Variants in CCDC3 observed in about 807,000 individuals in gnomAD.
CCDC3 encodes the protein coiled-coil domain-containing protein 3.
Under a neutral mutation model 21.4 loss-of-function variants are expected in CCDC3, and 24 were observed. The ratio of observed to expected loss-of-function variants is 1.12; its 90% confidence interval spans 0.81 to 1.58. The LOEUF is 1.58. Ranked by LOEUF, CCDC3 falls within the 40% of genes most tolerant of loss-of-function variation. The pLI, the probability that CCDC3 is intolerant of heterozygous loss-of-function variation, is 0.00. For missense variants in CCDC3, 425 were observed against 360.9 expected (o/e 1.18, Z -1.44); for synonymous variants, 186 against 166.0 (o/e 1.12, Z -0.93).
intron 5 of CCDC3, among the ~76,000 whole-genome samples, chr10:13,028,591 C>T (rs1589044493): frequency 6.6e-6 from 1 of 151,968 alleles, no homozygotes. Flanking sequence ...CAGGGTTGAA[C>T]AAAACATTTA....
chr10:13,057,649 G>T (rs1836698915), intron 4 of CCDC3, among the ~76,000 whole-genome samples: 1 of 152,120 alleles, frequency 6.6e-6, no homozygotes, highest in Admixed American at 6.6e-5. Context: ...GAAGGCCAAG[G>T]CAGACAGACC....
At chr10:13,047,622 T>C (rs531903728) in intron 5 of CCDC3, among the ~76,000 whole-genome samples, 99 of 152,226 alleles carry the variant, frequency 6.5e-4, no homozygotes, top group Admixed American at 5.4e-3. Context: ...TGGGTACATA[T>C]AAAGAGACTT....
At chr10:13,090,126 G>GT (rs1476522915) in intron 3 of CCDC3, among the ~76,000 whole-genome samples, 2 of 120,138 alleles carry the variant, frequency 1.7e-5, no homozygotes, top group Non-Finnish European at 3.3e-5. Flanking sequence ...GTCTCATTCT[G>GT]TCACCAGGCT....
At chr10:12,986,640 G>A (rs1469476720) in intron 2 of CCDC3, among the ~76,000 whole-genome samples, 2 of 152,026 alleles carry the variant, frequency 1.3e-5, no homozygotes, top group East Asian at 1.9e-4. Flanking sequence ...TGGGCGTGGT[G>A]GCGGACGCCT....
upstream of CCDC3, among the ~76,000 whole-genome samples, chr10:13,004,351 T>C (rs1273087193): frequency 6.6e-6 from 1 of 152,130 alleles, no homozygotes; most frequent in East Asian, 1.9e-4. Context: ...CAGTTAATTC[T>C]ATGGCCTTGA....
rs553148967 is a variant in CCDC3, at chr10:12,985,924, G to A, written c.549+12414C>T. 7.9e-5 allele frequency among the ~76,000 whole-genome samples: 12 copies of A among 152,332 alleles called. No individual in the cohort carries two copies. The East Asian group carries it at 2.3e-3, about 29-fold the overall frequency. On this transcript the variant is annotated intron_variant, in intron 2 of 2. Coordinates refer to ENST00000378825, the MANE Select transcript of CCDC3 (RefSeq NM_031455.4). ...GGAGTTTTGCTCTGTCGCCCAGGCT[G>A]GAGTGCAGTGGCGCGATCTCGGCTC... is the stretch of plus-strand genomic sequence containing the variant.
At chr10:13,002,544 C>T (rs534351566), upstream of CCDC3, among the ~76,000 whole-genome samples, 68 of 152,108 alleles carry the variant, frequency 4.5e-4, no homozygotes, top group Non-Finnish European at 9.0e-4. Flanking sequence ...CACACTGCCA[C>T]CCCGGATAAT....
At chr10:12,983,423 A>C (rs1655364359) in intron 2 of CCDC3, among the ~76,000 whole-genome samples, 1 of 150,620 alleles carries the variant, frequency 6.6e-6, no homozygotes, top group African/African-American at 2.4e-5. Context: ...AAATACAAAA[A>C]TTAGCAGGGT....
intron 5 of CCDC3, among the ~76,000 whole-genome samples, chr10:13,029,606 G>A (rs186531161): frequency 1.4e-3 from 218 of 152,240 alleles, no homozygotes; most frequent in Middle Eastern, 3.4e-3. Context: ...AAGATTAGAC[G>A]AATGGTTAAC....
intron 2 of CCDC3, among the ~76,000 whole-genome samples, chr10:12,919,318 G>A (rs918609064): frequency 2.6e-5 from 4 of 152,100 alleles, no homozygotes; most frequent in Non-Finnish European, 2.9e-5. Context: ...GGCCAGGCAA[G>A]GTGGCTCACG....
At chr10:13,047,876 G>A (rs1554764419) in intron 5 of CCDC3, among the ~76,000 whole-genome samples, 1 of 152,164 alleles carries the variant, frequency 6.6e-6, no homozygotes, top group Non-Finnish European at 1.5e-5. Context: ...AATAAACATG[G>A]AGTCCCAGAA....
intron 3 of CCDC3, among the ~76,000 whole-genome samples, chr10:13,083,756 A>G (rs1056586191): frequency 1.3e-5 from 2 of 152,188 alleles, no homozygotes; most frequent in African/African-American, 4.8e-5. Context: ...TTGTCAGCCA[A>G]TTGGGTTCAG....
chr10:12,970,206 G>A (rs544001867), intron 2 of CCDC3, among the ~76,000 whole-genome samples: 11 of 152,222 alleles, frequency 7.2e-5, no homozygotes, highest in Non-Finnish European at 1.5e-4. Context: ...GGTCACAGAC[G>A]CAAAATTTCA....
intron 2 of CCDC3, among the ~76,000 whole-genome samples, chr10:12,936,829 C>G (rs1330062864): frequency 1.3e-5 from 2 of 152,204 alleles, no homozygotes; most frequent in African/African-American, 2.4e-5. Flanking sequence ...AGGAGGATGG[C>G]ATGAGCCCAG....
chr10:12,957,685 C>T (rs1835113233), intron 2 of CCDC3, among the ~76,000 whole-genome samples: 1 of 152,126 alleles, frequency 6.6e-6, no homozygotes, highest in African/African-American at 2.4e-5. Context: ...CTCCCTCCTA[C>T]CTCCCTCGTT....
chr10:13,036,530 G>A lies in CCDC3; in HGVS notation c.-2+13144C>T, dbSNP rs2580903. On this transcript the variant is annotated intron_variant, in intron 5 of 6. Transcript: ENST00000378839. ...GATGGAGTCTCGCTCTGTGGTCTAG[G>A]CTGGAGTGCAGTGGCACGATCTCCA... Among the ~76,000 whole-genome samples the A allele has an allele frequency of 4.3e-3, 648 of 152,196 alleles. 7 individuals are homozygous for A. The highest frequency in any genetic ancestry group is 0.015 in the African/African-American group (615 of 41,540).
At chr10:12,989,632 G>A (rs1835651140) in intron 2 of CCDC3, among the ~76,000 whole-genome samples, 2 of 151,994 alleles carry the variant, frequency 1.3e-5, no homozygotes, top group African/African-American at 2.4e-5. Context: ...ATGTTGGCCA[G>A]GCTGGTCTCT....
intron 2 of CCDC3, among the ~76,000 whole-genome samples, chr10:12,965,567 G>A (rs1835251052): frequency 1.3e-5 from 2 of 152,170 alleles, no homozygotes; most frequent in Admixed American, 6.5e-5. Flanking sequence ...GTCACTCACA[G>A]TGTCACAAGA....
At chr10:12,954,034 T>C (rs1028411056) in intron 2 of CCDC3, among the ~76,000 whole-genome samples, 3 of 152,222 alleles carry the variant, frequency 2.0e-5, no homozygotes, top group African/African-American at 4.8e-5. Flanking sequence ...TTGAATTTCA[T>C]ACATTTTAAT....
Sources: gnomAD v4.1 joint callset for allele counts (sites outside exome capture counted in the v4.1 genomes callset) on GRCh38, gnomAD v4.1.1 for gene constraint, MANE v1.5 for transcripts, NCBI Gene and HGNC (gene_info 2026-07-23, HGNC 2026-07-21) for gene names.